The following PLG variants were observed in gnomAD, a reference collection of about 807,000 sequenced individuals.
PLG encodes plasminogen.
PLG carries 41 observed loss-of-function variants against 104.4 expected under a neutral mutation model. The ratio of observed to expected loss-of-function variants is 0.39; its 90% confidence interval spans 0.31 to 0.51. The LOEUF (loss-of-function observed/expected upper bound fraction) is 0.51. PLG is among the 20% of genes least tolerant of loss of function. The pLI is 0.76. For missense variants in PLG, 891 were observed against 1,003.6 expected (o/e 0.89, Z 1.52); for synonymous variants, 337 against 357.1 (o/e 0.94, Z 0.63).
Position 160,753,282 on chromosome 6 carries a change from T to G in PLG, c.*221T>G, listed in dbSNP as rs1778439853. 1 of 562,624 alleles carries G rather than the reference T, an allele frequency of 1.8e-6. No homozygotes were observed. The highest frequency in any genetic ancestry group is 1.9e-5 in the African/African-American group (1 of 53,176). 34.9% of individuals were successfully genotyped at this position (562,624 alleles called of 1,614,324 possible). ...GTTAAAAATAAACTCTGTACTTAAC[T>G]TTGATTTGAGTAAATTTTGGTTTTG... On this transcript the variant is annotated 3_prime_UTR_variant, in exon 19 of 19. Coordinates refer to ENST00000308192, the MANE Select transcript of PLG (RefSeq NM_000301.5). This position sits in a 1 kb window ranked among gnomAD's most constrained non-coding sequence, Gnocchi z 5.4.
chr6:160,722,440 T>A lies in PLG; in HGVS notation c.1129T>A (p.Cys377Ser). Residue 377 changes from cysteine (C) to serine (S), a missense_variant, in exon 10 of 19, where the codon TGC becomes AGC. By Grantham distance (112) the Cys-to-Ser change is moderately radical. This residue lies in a region of PLG where 854 missense variants were observed against 932.1 expected (regional missense o/e 0.92). Transcript: ENST00000308192. Reference protein sequence around the residue: ...PPELTPVVQDCYHGDGQSYRG... With the variant: ...PPELTPVVQDSYHGDGQSYRG... ...TGAGCTAACCCCTGTGGTCCAGGAC[T>A]GCTACCATGGTGATGGACAGAGCTA... is the stretch of plus-strand genomic sequence containing the variant. The A allele has an allele frequency of 6.2e-7, 1 of 1,612,996 alleles. No individual in the cohort carries two copies. The highest frequency in any genetic ancestry group is 8.5e-7 in the Non-Finnish European group (1 of 1,178,970).
At position 160,737,893 on chromosome 6, in the gene PLG, C is replaced by A. The variant is rs1337295454; in HGVS notation, c.1803-645C>A. 6.6e-6 allele frequency among the ~76,000 whole-genome samples: 1 copy of A among 151,676 alleles called. No homozygotes were observed. The highest frequency in any genetic ancestry group is 2.1e-4 in the South Asian group (1 of 4,714). On this transcript the variant is annotated intron_variant, in intron 14 of 18. Coordinates refer to ENST00000308192, the MANE Select transcript of PLG (RefSeq NM_000301.5). The surrounding 1 kb of genome is among the most constrained non-coding windows in gnomAD (Gnocchi z 4.7). ...TATTTCAGATTCATTCTTTCCTAAA[C>A]TATGTGGTGGTCTACGTCCTCACTG...
chr6:160,715,111 C>T (rs1162395729), intron 6 of PLG, among the ~76,000 whole-genome samples, 197 bp downstream of exon 6: 1 of 152,196 alleles, frequency 6.6e-6, no homozygotes, highest in Non-Finnish European at 1.5e-5. Context: ...CACGGGTCAG[C>T]AGCAGGGATG....
In PLG at chr6:160,741,187, T is replaced by G. The variant is rs1023436901; in HGVS notation, c.2019-124T>G. 19 of 733,554 alleles carry G rather than the reference T, an allele frequency of 2.6e-5. No individual in the cohort carries two copies. The highest frequency in any genetic ancestry group is 4.3e-5 in the South Asian group (3 of 69,754). The allele number at this position is 733,554 out of a possible 1,614,324, so 45.4% of individuals were successfully genotyped here. A position where few individuals can be genotyped will look rare whatever the true frequency, so the allele number is the denominator to read the frequency against. ...AAACTCTGTGTTCTACGTTGCTCTG[T>G]GTCAGTGAAGCAAGGCAGTGCCAGT... On this transcript the variant is annotated intron_variant, in intron 16 of 18. Coordinates refer to ENST00000308192, the MANE Select transcript of PLG (RefSeq NM_000301.5). This position sits in a 1 kb window ranked among gnomAD's most constrained non-coding sequence, Gnocchi z 4.7.
intron 4 of PLG, among the ~76,000 whole-genome samples, 170 bp from the exon 5 acceptor site, chr6:160,712,816 G>A (rs1163731531): frequency 6.6e-6 from 1 of 152,182 alleles, no homozygotes; most frequent in African/African-American, 2.4e-5. Context: ...GCCAGAAGCA[G>A]CCTATCAATA....
chr6:160,727,613 G>A (rs1777939540), intron 10 of PLG, among the ~76,000 whole-genome samples: 1 of 151,906 alleles, frequency 6.6e-6, no homozygotes, highest in Admixed American at 6.6e-5. Context: ...AAGAATGCAA[G>A]GCTGGCTTAA....
rs753050540 is a variant in PLG, at chr6:160,752,074, T to G, written c.2126-41T>G. 2.5e-6 allele frequency: 4 copies of G among 1,594,898 alleles called. No homozygotes were observed. In the South Asian group the frequency reaches 4.4e-5, roughly 18 times the overall value. On this transcript the variant is annotated intron_variant, in intron 17 of 18. Coordinates refer to ENST00000308192, the MANE Select transcript of PLG (RefSeq NM_000301.5). This position sits in a 1 kb window ranked among gnomAD's most constrained non-coding sequence, Gnocchi z 4.7. ...TTCTGGAATATCCTCCTGAATGTGT[T>G]TTGGGTGCAGTTGCCATTTCTTTCA...
At chr6:160,730,076 A>T (rs1412181322) in intron 10 of PLG, among the ~76,000 whole-genome samples, 1 of 152,222 alleles carries the variant, frequency 6.6e-6, no homozygotes, top group African/African-American at 2.4e-5. Flanking sequence ...TCAGACAGCC[A>T]CAGGTCATGA....
At chr6:160,749,055 G>A (rs111948939) in intron 17 of PLG, among the ~76,000 whole-genome samples, 1 of 152,304 alleles carries the variant, frequency 6.6e-6, no homozygotes, top group African/African-American at 2.4e-5. Context: ...AGGCTGCTGG[G>A]CAGCCAAAAA....
rs1477913193 is a variant in PLG, at chr6:160,740,806, T to A, written c.2019-505T>A. Among the ~76,000 whole-genome samples the A allele has an allele frequency of 6.6e-6, 1 of 152,184 alleles. No individual in the cohort carries two copies. Among genetic ancestry groups the A allele is most frequent in the East Asian group, 1.9e-4 (1 of 5,196 alleles). ...CAATCCTCTTTCATTTGGTATCAAG[T>A]ATTTTACTGGATTCTTACAACTATG... On this transcript the variant is annotated intron_variant, in intron 16 of 18. Coordinates refer to ENST00000308192, the MANE Select transcript of PLG (RefSeq NM_000301.5). This position sits in a 1 kb window ranked among gnomAD's most constrained non-coding sequence, Gnocchi z 5.2.
chr6:160,717,737 G>A (rs1272119656), intron 7 of PLG, among the ~76,000 whole-genome samples: 2 of 152,184 alleles, frequency 1.3e-5, no homozygotes, highest in Admixed American at 1.3e-4. Context: ...ACTGAGCAAA[G>A]AGAACATAGA....
intron 17 of PLG, among the ~76,000 whole-genome samples, chr6:160,751,437 T>A (rs1051981437): frequency 8.5e-5 from 13 of 152,246 alleles, no homozygotes; most frequent in African/African-American, 2.9e-4. Flanking sequence ...TACATCGCAT[T>A]ATAAGCTTGT....
At position 160,725,355 on chromosome 6, in the gene PLG, A is replaced by T. The variant is rs1777906548; in HGVS notation, c.1256+2788A>T. Among the ~76,000 whole-genome samples, 1 of 152,186 alleles carries T rather than the reference A, an allele frequency of 6.6e-6. No homozygotes were observed. The highest frequency in any genetic ancestry group is 2.4e-5 in the African/African-American group (1 of 41,450). On this transcript the variant is annotated intron_variant, in intron 10 of 18. Transcript: ENST00000308192. The surrounding 1 kb of genome is among the most constrained non-coding windows in gnomAD (Gnocchi z 6.3). ...ATAAATAATGTAGGAAATAAATGGT[A>T]GTATACTGTTCTAAGTTTCTTGCAT...
In PLG at chr6:160,737,156, A is replaced by G. The variant is rs1045561938; in HGVS notation, c.1802+149A>G. ...GGAAAAAAGCTACAAAAATTAATAT[A>G]TGTATATATACATATATATTTTTAT... On this transcript the variant is annotated intron_variant, in intron 14 of 18. Transcript: ENST00000308192. The surrounding 1 kb of genome is among the most constrained non-coding windows in gnomAD (Gnocchi z 4.7). The G allele has an allele frequency of 5.2e-6, 4 of 762,008 alleles. No individual in the cohort carries two copies. The highest frequency in any genetic ancestry group is 6.1e-5 in the Admixed American group (2 of 32,734). 47.2% of individuals were successfully genotyped at this position (762,008 alleles called of 1,614,324 possible).
At chr6:160,746,663 C>A (rs920356074) in intron 17 of PLG, among the ~76,000 whole-genome samples, 1 of 152,148 alleles carries the variant, frequency 6.6e-6, no homozygotes, top group Non-Finnish European at 1.5e-5. Context: ...TGTTAAGAAC[C>A]CTTGTTAGAG....
At chr6:160,751,321 G>A (rs2115189475) in intron 17 of PLG, among the ~76,000 whole-genome samples, 1 of 152,306 alleles carries the variant, frequency 6.6e-6, no homozygotes, top group African/African-American at 2.4e-5. Flanking sequence ...ACAGACCCAG[G>A]CTCAGGCTGA....
At chr6:160,747,621 G>GTTTC (rs10625439) in intron 17 of PLG, among the ~76,000 whole-genome samples, 2 of 151,832 alleles carry the variant, frequency 1.3e-5, no homozygotes, top group African/African-American at 4.8e-5. Flanking sequence ...TTGAAGAAAG[G>GTTTC]TTTGTTTTTG....
intron 17 of PLG, among the ~76,000 whole-genome samples, chr6:160,750,926 A>G (rs1234222840): frequency 1.3e-5 from 2 of 152,180 alleles, no homozygotes; most frequent in Non-Finnish European, 2.9e-5. Context: ...TTCTATTTCA[A>G]TTTGGCAAAG....
rs1238331954 is a variant in PLG at position 160,732,203 on chromosome 6, T to C, written c.1587+310T>C. Among the ~76,000 whole-genome samples the C allele has an allele frequency of 6.6e-6, 1 of 152,202 alleles. No individual in the cohort carries two copies. ...TCTCTAGTTTCTAGTGTTTGTATGCTAGGTTCCAGTAATCAAAGATGCCCT... is the reference window on the plus strand; with the variant it reads ...TCTCTAGTTTCTAGTGTTTGTATGCCAGGTTCCAGTAATCAAAGATGCCCT... On this transcript the variant is annotated intron_variant, in intron 12 of 18. Coordinates refer to ENST00000308192, the MANE Select transcript of PLG (RefSeq NM_000301.5). This position sits in a 1 kb window ranked among gnomAD's most constrained non-coding sequence, Gnocchi z 4.5.
Sources: allele counts gnomAD v4.1 joint callset (sites outside exome capture counted in the v4.1 genomes callset), GRCh38; gene constraint gnomAD v4.1.1; regional missense constraint gnomAD v4.1.1; non-coding constraint Gnocchi (gnomAD v3.1); transcripts MANE v1.5; gene names NCBI Gene and HGNC (gene_info 2026-07-23, HGNC 2026-07-21).